AGRN: variants seen among roughly 807,000 people sequenced by gnomAD.
AGRN encodes agrin proteoglycan.
AGRN carries 106 observed loss-of-function variants against 211.0 expected under a neutral mutation model. The observed-to-expected ratio is 0.50, with a 90% CI of 0.43 to 0.59. AGRN has a LOEUF of 0.59. Among genes scored for constraint, AGRN ranks in the 20% least tolerant of loss-of-function variants. The pLI, the probability that AGRN is intolerant of heterozygous loss-of-function variation, is 0.00. For missense variants in AGRN, 3,040 were observed against 2,982.6 expected, an observed-to-expected ratio of 1.02 and a Z score of -0.45; for synonymous variants, 1,525 against 1,332.5, an observed-to-expected ratio of 1.14 and a Z score of -3.15.
rs1342653249 is a variant in AGRN, at chr1:1,041,019, T to TG, written c.727+145dup. The stretch of plus-strand genomic sequence containing the variant: ...GGGAGGAGCGGGGCTGGGAGGGGCC[T>TG]GGGGGGCGGAGCGGGGCGGGAGCGG... On this transcript the variant is annotated intron_variant, in intron 4 of 35. Coordinates refer to ENST00000379370, the MANE Select transcript of AGRN (RefSeq NM_198576.4). 3.7e-5 allele frequency: 11 copies of TG among 296,564 alleles called. 2 individuals carry two copies. Among genetic ancestry groups the TG allele is most frequent in the South Asian group, 1.6e-4 (1 of 6,340 alleles). 18.4% of individuals were successfully genotyped at this position (296,564 alleles called of 1,614,324 possible).
In AGRN at chr1:1,045,552, C is replaced by G. The variant is rs765318558; in HGVS notation, c.2536+29C>G. The G allele has an allele frequency of 1.9e-6, 3 of 1,610,426 alleles. No homozygotes were observed. In the South Asian group the frequency reaches 3.3e-5, roughly 18 times the overall value. ...AGTGACAGGGCCCAGGACTGGCCAC[C>G]GGCTATGCCCTCCTACCTGTTCACC... On this transcript the variant is annotated intron_variant, in intron 14 of 35. Coordinates refer to ENST00000379370, the MANE Select transcript of AGRN (RefSeq NM_198576.4).
intron 31 of AGRN, 22 bp from the exon 32 acceptor site, chr1:1,051,431 A>G: frequency 6.5e-7 from 1 of 1,544,734 alleles, no homozygotes; most frequent in Non-Finnish European, 8.7e-7. Context: ...AGGCGGGACA[A>G]GGCCCTCACC....
chr1:1,049,852 C>A (rs779340762), intron 26 of AGRN, 51 bp from the exon 27 acceptor site: 1 of 1,611,242 alleles, frequency 6.2e-7, no homozygotes. Context: ...GGGCGGTACC[C>A]AACCGACGCC....
At chr1:1,024,276 G>T (rs1212409068) in intron 2 of AGRN, among the ~76,000 whole-genome samples, 1 of 152,074 alleles carries the variant, frequency 6.6e-6, no homozygotes, top group Non-Finnish European at 1.5e-5. Context: ...GGCTGGAGAA[G>T]GGACAATTCT....
intron 12 of AGRN, 70 bp downstream of exon 12, chr1:1,044,509 G>A (rs561568972): frequency 6.8e-7 from 1 of 1,479,056 alleles, no homozygotes; most frequent in South Asian, 1.2e-5. Context: ...CTGGATGTGG[G>A]CGTGCCCGTG....
At chr1:1,053,312 C>A (rs1645362805) in intron 33 of AGRN, 1 of 621,052 alleles carries the variant, frequency 1.6e-6, no homozygotes, top group Admixed American at 3.8e-5. Flanking sequence ...GGTGTCCCTG[C>A]TGGGCTCTTT....
At chr1:1,021,932 G>C (rs1236457044) in intron 1 of AGRN, among the ~76,000 whole-genome samples, 1 of 152,244 alleles carries the variant, frequency 6.6e-6, no homozygotes, top group Non-Finnish European at 1.5e-5. Flanking sequence ...TGATAGGGAC[G>C]TTATTGGAGC....
chr1:1,048,410 G>A lies in AGRN; in HGVS notation c.4105+45G>A, dbSNP rs939126221. The A allele has an allele frequency of 3.6e-5, 48 of 1,329,140 alleles. No homozygotes were observed. The highest frequency in any genetic ancestry group is 4.6e-5 in the Non-Finnish European group (46 of 995,524). 82.3% of individuals were successfully genotyped at this position (1,329,140 alleles called of 1,614,324 possible). A position where few individuals can be genotyped will look rare whatever the true frequency, so the allele number is the denominator to read the frequency against. On this transcript the variant is annotated intron_variant, in intron 23 of 35. Transcript: ENST00000379370. This position sits in a 1 kb window ranked among gnomAD's most constrained non-coding sequence, Gnocchi z 5.9. ...AGGAGGGCGGGGAGGCAGCAGGGTGGGGGCAAGGATTGGGGGTGGGGCTAA... is the reference window on the plus strand; with the variant it reads ...AGGAGGGCGGGGAGGCAGCAGGGTGAGGGCAAGGATTGGGGGTGGGGCTAA...
At chr1:1,044,713 C>T (rs1034776121) in intron 12 of AGRN, among the ~76,000 whole-genome samples, 6 of 152,186 alleles carry the variant, frequency 3.9e-5, no homozygotes, top group African/African-American at 1.2e-4. Context: ...GGCACTTTCT[C>T]TGCATACGTC....
In AGRN at chr1:1,053,972, A is replaced by G; in HGVS notation, c.5871A>G (p.Ala1957=). Residue 1957 remains alanine (A), a synonymous_variant, in exon 34 of 36, where the codon GCA becomes GCG. Transcript: ENST00000379370. ...VNTNRWLRVV[A]HREQREGSLQ... ...CCAACCGCTGGTTGCGGGTCGTGGC[A>G]CATAGGTGAGTAGGGAACCCAGCGT... The G allele has an allele frequency of 6.3e-7, 1 of 1,599,048 alleles. No individual in the cohort carries two copies.
intron 16 of AGRN, 33 bp from the exon 17 acceptor site, chr1:1,046,127 C>T (rs1315726912): frequency 6.2e-7 from 1 of 1,613,838 alleles, no homozygotes; most frequent in East Asian, 2.2e-5. Flanking sequence ...GGGGAGGAGG[C>T]CTCGCCTTGA....
chr1:1,034,961 T>G (rs113757637), intron 2 of AGRN: 5 of 466,436 alleles, frequency 1.1e-5, no homozygotes, highest in African/African-American at 1.9e-5. Flanking sequence ...GAGCCGGCAG[T>G]TGGGGGTAGG....
At chr1:1,045,910 T>C in intron 15 of AGRN, 34 bp downstream of exon 15, 2 of 1,610,376 alleles carry the variant, frequency 1.2e-6, no homozygotes, top group Non-Finnish European at 1.7e-6. Flanking sequence ...TGGGGCTTCA[T>C]GGGGTGGGGT....
intron 4 of AGRN, 61 bp from the exon 5 acceptor site, chr1:1,041,106 CGGGGCG>C: frequency 5.2e-6 from 1 of 190,916 alleles, no homozygotes; most frequent in Non-Finnish European, 8.1e-6. Context: ...GGGGGCGGAG[CGGGGCG>C]GGAGCGGGGC....
Position 1,051,009 on chromosome 1 carries a change from C to T in AGRN, c.5253+172C>T, listed in dbSNP as rs566928020. 2.0e-4 allele frequency: 312 copies of T among 1,549,722 alleles called. 2 individuals carry two copies. The highest frequency in any genetic ancestry group is 1.8e-3 in the South Asian group (148 of 83,268). ...CTGCTCTCTGCTCTCGCTCTGCAAC[C>T]CCACCCGCTCTTCGGAGGCCAGAAA... On this transcript the variant is annotated intron_variant, in intron 30 of 35. Coordinates refer to ENST00000379370, the MANE Select transcript of AGRN (RefSeq NM_198576.4).
At chr1:1,030,980 T>A (rs1644659413) in intron 2 of AGRN, among the ~76,000 whole-genome samples, 1 of 135,116 alleles carries the variant, frequency 7.4e-6, no homozygotes. Flanking sequence ...TGTGTGTGTG[T>A]GCAGTGCATG....
intron 7 of AGRN, among the ~76,000 whole-genome samples, chr1:1,042,678 T>C (rs1170620849): frequency 2.0e-5 from 3 of 152,196 alleles, no homozygotes; most frequent in Non-Finnish European, 4.4e-5. Flanking sequence ...GCTCCGCCTC[T>C]TGTGTCTTCC....
At chr1:1,054,415 G>A (rs1269266100) in intron 34 of AGRN, 33 bp from the exon 35 acceptor site, 1 of 1,537,488 alleles carries the variant, frequency 6.5e-7, no homozygotes, top group African/African-American at 1.4e-5. Context: ...GGAACTCTGG[G>A]CCCTGATGGT....
At chr1:1,049,825 G>T in intron 26 of AGRN, 30 bp downstream of exon 26, 1 of 1,608,766 alleles carries the variant, frequency 6.2e-7, no homozygotes, top group Non-Finnish European at 8.5e-7. Context: ...GGGTGGGAGT[G>T]GGACCCCGGG....
Sources: allele counts gnomAD v4.1 joint callset (sites outside exome capture counted in the v4.1 genomes callset), GRCh38; gene constraint gnomAD v4.1.1; non-coding constraint Gnocchi (gnomAD v3.1); transcripts MANE v1.5; gene names NCBI Gene and HGNC (gene_info 2026-07-23, HGNC 2026-07-21).